The following PARPBP variants were observed in gnomAD, a reference collection of about 807,000 sequenced individuals.
PARPBP encodes the protein PCNA-interacting partner.
In PARPBP, 52 loss-of-function variants were observed where a neutral mutation model predicts 50.0. That is an observed-to-expected ratio of 1.04 (90% CI 0.83 to 1.31). PARPBP has a LOEUF of 1.31. Ranked by LOEUF, PARPBP falls within the 50% of genes most tolerant of loss-of-function variation. The pLI is 0.00. For missense variants in PARPBP, 697 were observed against 672.0 expected (o/e 1.04, Z -0.41); for synonymous variants, 244 against 232.1 (o/e 1.05, Z -0.47).
Position 102,157,992 on chromosome 12 carries a change from C to T in PARPBP, c.495+4016C>T, listed in dbSNP as rs530021770. Among the ~76,000 whole-genome samples, 6 of 151,732 alleles carry T rather than the reference C, an allele frequency of 4.0e-5. No individual in the cohort carries two copies. In the East Asian group the frequency reaches 9.7e-4, roughly 25 times the overall value. Reference sequence around the variant, plus strand: ...AAAAGTAGCCAGGTGTAATGGTGGGCGCCTGTAGTCCCAGCTACTCTGGAG... The same window carrying T: ...AAAAGTAGCCAGGTGTAATGGTGGGTGCCTGTAGTCCCAGCTACTCTGGAG... On this transcript the variant is annotated intron_variant, in intron 4 of 10. Coordinates refer to ENST00000327680, the MANE Select transcript of PARPBP (RefSeq NM_017915.5).
intron 3 of PARPBP, among the ~76,000 whole-genome samples, chr12:102,152,534 T>G (rs1374572590): frequency 6.6e-6 from 1 of 152,240 alleles, no homozygotes; most frequent in Non-Finnish European, 1.5e-5. Flanking sequence ...TTTAAACATT[T>G]GTAAGTTTTA....
At chr12:102,141,160 G>T (rs531846827) in intron 2 of PARPBP, among the ~76,000 whole-genome samples, 6 of 152,134 alleles carry the variant, frequency 3.9e-5, no homozygotes, top group South Asian at 2.1e-4. Flanking sequence ...TATGAATCTG[G>T]GTGCTCCTGT....
chr12:102,130,489 A>C (rs1031183754), intron 2 of PARPBP, among the ~76,000 whole-genome samples: 1 of 152,192 alleles, frequency 6.6e-6, no homozygotes, highest in African/African-American at 2.4e-5. Context: ...CAAACTATAC[A>C]TCTGACAAAG....
rs1354309686 is a variant in PARPBP at position 102,155,596 on chromosome 12, G to GA, written c.495+1620_495+1621insA. Among the ~76,000 whole-genome samples, 27 of 96,908 alleles carry GA rather than the reference G, an allele frequency of 2.8e-4. No homozygotes were observed. The East Asian group carries it at 4.8e-3, about 17-fold the overall frequency. The allele number at this position is 96,908 out of a possible 152,430, so 63.6% of individuals were successfully genotyped here. On this transcript the variant is annotated intron_variant, in intron 4 of 10. Coordinates refer to ENST00000327680, the MANE Select transcript of PARPBP (RefSeq NM_017915.5). Reference sequence around the variant, plus strand: ...TCATCTATCGCCTGAGAGCATGGTGGGGGGGGGGGGCGGGGACAATGATTG... The same window carrying GA: ...TCATCTATCGCCTGAGAGCATGGTGGAGGGGGGGGGGCGGGGACAATGATTG...
chr12:102,146,412 A>G (rs1885361949), intron 2 of PARPBP, among the ~76,000 whole-genome samples: 1 of 152,176 alleles, frequency 6.6e-6, no homozygotes, highest in Admixed American at 6.5e-5. Flanking sequence ...AAATAATGCC[A>G]CATATCTACA....
intron 6 of PARPBP, among the ~76,000 whole-genome samples, chr12:102,171,834 T>A (rs1480468765): frequency 5.3e-5 from 8 of 151,110 alleles, no homozygotes; most frequent in South Asian, 2.1e-4. Context: ...GCGCCACTGC[T>A]GTCCAGCCTG....
In PARPBP at chr12:102,197,212, C is replaced by T. The variant is rs780126998; in HGVS notation, c.*921C>T. Reference sequence around the variant, plus strand: ...TGATTTGGTTTTTAGCTATCGTATTCGGAGTGGAACTATAATACAATTGTA... The same window carrying T: ...TGATTTGGTTTTTAGCTATCGTATTTGGAGTGGAACTATAATACAATTGTA... On this transcript the variant is annotated 3_prime_UTR_variant, in exon 11 of 11. Transcript: ENST00000327680. 2.7e-5 allele frequency: 37 copies of T among 1,385,792 alleles called. No homozygotes were observed. Among genetic ancestry groups the T allele is most frequent in the South Asian group, 1.3e-4 (11 of 85,060 alleles). The allele number at this position is 1,385,792 out of a possible 1,614,324, so 85.8% of individuals were successfully genotyped here.
chr12:102,184,575 AAC>A (rs1890142946), intron 9 of PARPBP, among the ~76,000 whole-genome samples: 1 of 152,202 alleles, frequency 6.6e-6, no homozygotes, highest in Admixed American at 6.5e-5. Context: ...AATATTTTAT[AAC>A]AGTTTGCAAA....
At chr12:102,189,631 CAG>C (rs1890616454) in intron 9 of PARPBP, among the ~76,000 whole-genome samples, 1 of 151,766 alleles carries the variant, frequency 6.6e-6, no homozygotes, top group African/African-American at 2.4e-5. Context: ...TTTGAATAGG[CAG>C]AGAGATTGAA....
chr12:102,182,864 G>A (rs560726174), intron 9 of PARPBP, among the ~76,000 whole-genome samples: 5 of 152,276 alleles, frequency 3.3e-5, no homozygotes, highest in African/African-American at 1.2e-4. Context: ...AAATGAATAA[G>A]CAGTTGCTAT....
chr12:102,168,161 T>G (rs1888337094), intron 6 of PARPBP, among the ~76,000 whole-genome samples: 1 of 152,202 alleles, frequency 6.6e-6, no homozygotes, highest in South Asian at 2.1e-4. Flanking sequence ...GAAACTTTTT[T>G]GTTTTTTGCT....
intron 4 of PARPBP, among the ~76,000 whole-genome samples, chr12:102,159,664 A>G (rs577410699): frequency 6.6e-6 from 1 of 151,304 alleles, no homozygotes; most frequent in African/African-American, 2.4e-5. Flanking sequence ...GGAATAATAG[A>G]ATAAAGGCCA....
rs1302822538 is a variant in PARPBP, at chr12:102,183,099, T to A, written c.1263+472T>A. Among the ~76,000 whole-genome samples the A allele has an allele frequency of 5.9e-5, 9 of 152,328 alleles. No individual in the cohort carries two copies. The East Asian group carries it at 1.7e-3, about 29-fold the overall frequency. On this transcript the variant is annotated intron_variant, in intron 9 of 10. Transcript: ENST00000327680. ...CTGTTCCTGTTCTTTGTTCATTTAG[T>A]TTGAACTAAGTTTTGCTGTCTTCAT... is the stretch of plus-strand genomic sequence containing the variant.
intron 2 of PARPBP, among the ~76,000 whole-genome samples, chr12:102,129,196 C>G (rs561706290): frequency 6.6e-6 from 1 of 152,078 alleles, no homozygotes. Context: ...ATATGTTGCC[C>G]AGGCTGTACT....
chr12:102,166,026 AT>A, intron 6 of PARPBP, 143 bp downstream of exon 6: 1 of 589,242 alleles, frequency 1.7e-6, no homozygotes, highest in Non-Finnish European at 3.0e-6. Context: ...TGAATAAATT[AT>A]AATCACATGA....
chr12:102,175,357 G>A, intron 6 of PARPBP, 126 bp from the exon 7 acceptor site: 1 of 549,158 alleles, frequency 1.8e-6, no homozygotes, highest in East Asian at 3.1e-5. Flanking sequence ...TGCTTTAACT[G>A]TTTGATATAT....
At chr12:102,161,225 C>T (rs1887551848) in intron 4 of PARPBP, among the ~76,000 whole-genome samples, 4 of 151,946 alleles carry the variant, frequency 2.6e-5, no homozygotes, top group Admixed American at 2.6e-4. Context: ...TGTGCCACAG[C>T]CTCCCGAGTA....
At chr12:102,172,866 T>A (rs578126023) in intron 6 of PARPBP, among the ~76,000 whole-genome samples, 1 of 152,260 alleles carries the variant, frequency 6.6e-6, no homozygotes, top group Non-Finnish European at 1.5e-5. Flanking sequence ...GAAAAGCATA[T>A]AATGTTAATT....
rs751202265 is a variant in PARPBP, at chr12:102,178,761, C to T, written c.1175C>T (p.Thr392Ile). 7 of 1,598,440 alleles carry T rather than the reference C, an allele frequency of 4.4e-6. No homozygotes were observed. The highest frequency in any genetic ancestry group is 6.0e-6 in the Non-Finnish European group (7 of 1,171,242). The change falls in exon 8 of 11, where the codon ACA (threonine) becomes ATA (isoleucine). Residue 392 changes from threonine to isoleucine, a missense_variant. By Grantham distance (89) the Thr-to-Ile change is moderately conservative. Coordinates refer to ENST00000327680, the MANE Select transcript of PARPBP (RefSeq NM_017915.5). ...CATCATCATGGAACGTCTATTCTTA[C>T]ACTTTTTAGGTAAGTTATGTGGAAG... Reference protein sequence around the residue: ...TIHHHGTSILTLFRSPTQVNN... With the variant: ...TIHHHGTSILILFRSPTQVNN...
Sources: allele counts gnomAD v4.1 joint callset (sites outside exome capture counted in the v4.1 genomes callset), GRCh38; gene constraint gnomAD v4.1.1; transcripts MANE v1.5; gene names NCBI Gene and HGNC (gene_info 2026-07-23, HGNC 2026-07-21).